Variants in SLC9A1 observed in about 807,000 individuals in gnomAD.
SLC9A1 encodes the protein solute carrier family 9 member A1.
Under a neutral mutation model 67.9 loss-of-function variants are expected in SLC9A1, and 22 were observed. The ratio of observed to expected loss-of-function variants is 0.32; its 90% confidence interval spans 0.23 to 0.46. The LOEUF (loss-of-function observed/expected upper bound fraction) is 0.46. Ranked by LOEUF, SLC9A1 falls within the 20% of genes least tolerant of loss-of-function variation. The pLI, the probability that SLC9A1 is intolerant of heterozygous loss-of-function variation, is 1.00. For synonymous variants in SLC9A1, 421 were observed against 471.8 expected (o/e 0.89, Z 1.40); for missense variants, 686 against 1,094.8 (o/e 0.63, Z 5.27).
At chr1:27,150,156 T>G (rs1378148419) in intron 1 of SLC9A1, among the ~76,000 whole-genome samples, 1 of 152,196 alleles carries the variant, frequency 6.6e-6, no homozygotes, top group Non-Finnish European at 1.5e-5. Context: ...CTAGTGTCAT[T>G]TTTATAGGAA....
At chr1:27,126,979 C>T (rs779605938) in intron 1 of SLC9A1, among the ~76,000 whole-genome samples, 4 of 151,850 alleles carry the variant, frequency 2.6e-5, no homozygotes, top group Non-Finnish European at 5.9e-5. Context: ...GAGTGTGGTA[C>T]AGGTAGAAGA....
Position 27,099,135 on chromosome 1 carries a change from G to C in SLC9A1, c.*1172C>G, listed in dbSNP as rs2083119609. ...CCCAATCCACCAGCCCCAGGGGACAGGGGATCCTCAGGGGAGGCCTTCTCC... is the reference window on the plus strand; with the variant it reads ...CCCAATCCACCAGCCCCAGGGGACACGGGATCCTCAGGGGAGGCCTTCTCC... On this transcript the variant is annotated 3_prime_UTR_variant, in exon 12 of 12. Coordinates refer to ENST00000263980, the MANE Select transcript of SLC9A1 (RefSeq NM_003047.5). 1 of 152,760 alleles carries C rather than the reference G, an allele frequency of 6.5e-6. No homozygotes were observed. Among genetic ancestry groups the C allele is most frequent in the Admixed American group, 6.5e-5 (1 of 15,286 alleles). 9.5% of individuals were successfully genotyped at this position (152,760 alleles called of 1,614,324 possible).
chr1:27,121,051 C>T (rs2083301471), intron 1 of SLC9A1, among the ~76,000 whole-genome samples: 1 of 152,166 alleles, frequency 6.6e-6, no homozygotes, highest in African/African-American at 2.4e-5. Flanking sequence ...AAATATGCCT[C>T]CCCCACAAAA....
At chr1:27,143,608 C>T (rs752305962) in intron 1 of SLC9A1, among the ~76,000 whole-genome samples, 1 of 152,206 alleles carries the variant, frequency 6.6e-6, no homozygotes, top group Non-Finnish European at 1.5e-5. Flanking sequence ...GCTTAGGCCT[C>T]AACGGAACAG....
chr1:27,099,260 G>A lies in SLC9A1; in HGVS notation c.*1047C>T, dbSNP rs2083121487. 6.5e-6 allele frequency: 1 copy of A among 153,510 alleles called. No homozygotes were observed. The highest frequency in any genetic ancestry group is 6.5e-5 in the Admixed American group (1 of 15,306). The allele number at this position is 153,510 out of a possible 1,614,324, so 9.5% of individuals were successfully genotyped here. On this transcript the variant is annotated 3_prime_UTR_variant, in exon 12 of 12. Transcript: ENST00000263980. ...ACCCAGGGTGGGGGAAGTAAGAGCA[G>A]GCCAGCAGGACTGGAGGTCAGGCCC...
At chr1:27,130,163 C>G (rs990494238) in intron 1 of SLC9A1, among the ~76,000 whole-genome samples, 2 of 152,212 alleles carry the variant, frequency 1.3e-5, no homozygotes, top group African/African-American at 4.8e-5. Flanking sequence ...TGCAGTGGCA[C>G]AATCTTGGCT....
intron 1 of SLC9A1, among the ~76,000 whole-genome samples, chr1:27,134,800 A>C (rs761613025): frequency 6.6e-6 from 1 of 152,210 alleles, no homozygotes; most frequent in Non-Finnish European, 1.5e-5. Flanking sequence ...GCAGTGGTAC[A>C]ATCTCGGCTC....
In SLC9A1 at chr1:27,155,070, T is replaced by G. The variant is rs2083558007; in HGVS notation, c.-736A>C. 6.6e-6 allele frequency among the ~76,000 whole-genome samples: 1 copy of G among 151,802 alleles called. No homozygotes were observed. Among genetic ancestry groups the G allele is most frequent in the Non-Finnish European group, 1.5e-5 (1 of 67,926 alleles). Reference sequence around the variant, plus strand: ...CGCTCCGCCCCGGCCCAGCTGCAGCTCCTCCTGGTCCAGCTCCAGAACTAA... The same window carrying G: ...CGCTCCGCCCCGGCCCAGCTGCAGCGCCTCCTGGTCCAGCTCCAGAACTAA... On this transcript the variant is annotated 5_prime_UTR_variant, in exon 1 of 12. Transcript: ENST00000263980. The surrounding 1 kb of genome is among the most constrained non-coding windows in gnomAD (Gnocchi z 4.5).
Position 27,099,674 on chromosome 1 carries a change from G to T in SLC9A1, c.*633C>A, listed in dbSNP as rs1365954691. 2 of 152,548 alleles carry T rather than the reference G, an allele frequency of 1.3e-5. No individual in the cohort carries two copies. Among genetic ancestry groups the T allele is most frequent in the Non-Finnish European group, 2.9e-5 (2 of 68,156 alleles). The allele number at this position is 152,548 out of a possible 1,614,324, so 9.4% of individuals were successfully genotyped here. A position where few individuals can be genotyped will look rare whatever the true frequency, so the allele number is the denominator to read the frequency against. The stretch of plus-strand genomic sequence containing the variant: ...TCCCCGTGGGAGCACAGTTCGAAAA[G>T]CTCTGAGTCACGTCACTGTCACCGT... On this transcript the variant is annotated 3_prime_UTR_variant, in exon 12 of 12. Transcript: ENST00000263980.
chr1:27,134,446 C>T (rs1265142945), intron 1 of SLC9A1, among the ~76,000 whole-genome samples: 2 of 152,148 alleles, frequency 1.3e-5, no homozygotes, highest in South Asian at 2.1e-4. Flanking sequence ...GGTATCTCTC[C>T]GAGGGTCCTC....
intron 5 of SLC9A1, chr1:27,103,701 C>T (rs1167625096): frequency 1.2e-5 from 3 of 248,426 alleles, no homozygotes; most frequent in African/African-American, 2.2e-5. Flanking sequence ...TGAGGAGGAC[C>T]GAGTAATAAC....
At chr1:27,122,407 GAA>G (rs1181690010) in intron 1 of SLC9A1, among the ~76,000 whole-genome samples, 1 of 152,178 alleles carries the variant, frequency 6.6e-6, no homozygotes, top group Non-Finnish European at 1.5e-5. Context: ...GTGAACAAAT[GAA>G]AAGAGAGGGG....
Position 27,118,877 on chromosome 1 carries a change from G to A in SLC9A1, c.353-4591C>T, listed in dbSNP as rs956858768. ...ACACAGCCTTCTTCGAGGACGTCCA[G>A]TCCTCCCAGAACAAGGAGGCACGAA... On this transcript the variant is annotated intron_variant, in intron 1 of 11. Coordinates refer to ENST00000263980, the MANE Select transcript of SLC9A1 (RefSeq NM_003047.5). The surrounding 1 kb of genome is among the most constrained non-coding windows in gnomAD (Gnocchi z 4.3). Among the ~76,000 whole-genome samples, 1 of 152,130 alleles carries A rather than the reference G, an allele frequency of 6.6e-6. No individual in the cohort carries two copies. The highest frequency in any genetic ancestry group is 2.1e-4 in the South Asian group (1 of 4,824).
rs931753556 is a variant in SLC9A1 at position 27,100,247 on chromosome 1, C to G, written c.*60G>C. 3 of 1,295,592 alleles carry G rather than the reference C, an allele frequency of 2.3e-6. No homozygotes were observed. The highest frequency in any genetic ancestry group is 3.0e-5 in the African/African-American group (2 of 66,688). The allele number at this position is 1,295,592 out of a possible 1,614,324, so 80.3% of individuals were successfully genotyped here. On this transcript the variant is annotated 3_prime_UTR_variant, in exon 12 of 12. Transcript: ENST00000263980. This position sits in a 1 kb window ranked among gnomAD's most constrained non-coding sequence, Gnocchi z 5.6. ...CAGGAAGGGCAAGGGGAGCCCCCAGCAGCCCCTGCTCTGGTGGAAGAGTCT... is the reference window on the plus strand; with the variant it reads ...CAGGAAGGGCAAGGGGAGCCCCCAGGAGCCCCTGCTCTGGTGGAAGAGTCT...
At position 27,100,712 on chromosome 1, in the gene SLC9A1, C is replaced by A. The variant is rs2083136732; in HGVS notation, c.2111-68G>T. 4 of 1,318,808 alleles carry A rather than the reference C, an allele frequency of 3.0e-6. No homozygotes were observed. The Admixed American group carries it at 8.1e-5, about 27-fold the overall frequency. The allele number at this position is 1,318,808 out of a possible 1,614,324, so 81.7% of individuals were successfully genotyped here. On this transcript the variant is annotated intron_variant, in intron 11 of 11. Transcript: ENST00000263980. The surrounding 1 kb of genome is among the most constrained non-coding windows in gnomAD (Gnocchi z 5.6). ...GCCCGGCCCAGCACGTGCCACTCGG[C>A]CGCGTCAGTGCCTCCTTCAGGCCTT...
Position 27,153,606 on chromosome 1 carries a change from T to C in SLC9A1, c.352+377A>G, listed in dbSNP as rs935854786. On this transcript the variant is annotated intron_variant, in intron 1 of 11. Coordinates refer to ENST00000263980, the MANE Select transcript of SLC9A1 (RefSeq NM_003047.5). ...ACTGGTTGCTGTTGACAGAGCAGAA[T>C]GTGCCACTCGCCAGAAGACACTCCT... is the stretch of plus-strand genomic sequence containing the variant. Among the ~76,000 whole-genome samples, 6 of 152,322 alleles carry C rather than the reference T, an allele frequency of 3.9e-5. No individual in the cohort carries two copies. In the South Asian group the frequency reaches 1.2e-3, roughly 32 times the overall value.
chr1:27,154,046 T>C lies in SLC9A1; in HGVS notation c.289A>G (p.Thr97Ala), dbSNP rs536512553. 2 of 1,610,320 alleles carry C rather than the reference T, an allele frequency of 1.2e-6. No homozygotes were observed. The highest frequency in any genetic ancestry group is 3.3e-5 in the Admixed American group (2 of 59,728). The change falls in exon 1 of 12, where the codon ACA (threonine) becomes GCA (alanine). Residue 97 changes from threonine (T) to alanine (A), a missense_variant. By Grantham distance (58) the Thr-to-Ala change is moderately conservative. Around this residue, in one of 7 missense-constraint regions of SLC9A1, gnomAD observed 143 missense variants for 166.7 expected, o/e 0.86. Coordinates refer to ENST00000263980, the MANE Select transcript of SLC9A1 (RefSeq NM_003047.5). ...ATCTCGAAGGGGGTGCGCACGTGTGTGTAGTCGATGCCCAGGACTGGAAAG... is the reference window on the plus strand; with the variant it reads ...ATCTCGAAGGGGGTGCGCACGTGTGCGTAGTCGATGCCCAGGACTGGAAAG... Reference protein sequence around the residue: ...KAFPVLGIDYTHVRTPFEISL... With the variant: ...KAFPVLGIDYAHVRTPFEISL...
At position 27,109,431 on chromosome 1, in the gene SLC9A1, C is replaced by G. The variant is rs2083212061; in HGVS notation, c.1064+96G>C. On this transcript the variant is annotated intron_variant, in intron 3 of 11. Coordinates refer to ENST00000263980, the MANE Select transcript of SLC9A1 (RefSeq NM_003047.5). This position sits in a 1 kb window ranked among gnomAD's most constrained non-coding sequence, Gnocchi z 5.5. ...TCATCCCTGGAGCTCAAGGCTGGGCCCTGGGAGCTCCGTGAACCTACGAGC... is the reference window on the plus strand; with the variant it reads ...TCATCCCTGGAGCTCAAGGCTGGGCGCTGGGAGCTCCGTGAACCTACGAGC... 2.2e-6 allele frequency: 3 copies of G among 1,347,890 alleles called. No individual in the cohort carries two copies. The East Asian group carries it at 6.9e-5, about 31-fold the overall frequency. The allele number at this position is 1,347,890 out of a possible 1,614,324, so 83.5% of individuals were successfully genotyped here.
At chr1:27,151,033 C>T (rs934430692) in intron 1 of SLC9A1, among the ~76,000 whole-genome samples, 3 of 152,174 alleles carry the variant, frequency 2.0e-5, no homozygotes, top group East Asian at 1.9e-4. Flanking sequence ...AGCCCCCCAC[C>T]CTTATCCCTA....
Sources: gnomAD v4.1 joint callset for allele counts (sites outside exome capture counted in the v4.1 genomes callset) on GRCh38, gnomAD v4.1.1 for gene constraint, gnomAD v4.1.1 regional missense constraint, Gnocchi (gnomAD v3.1) non-coding constraint, MANE v1.5 for transcripts, NCBI Gene and HGNC (gene_info 2026-07-23, HGNC 2026-07-21) for gene names.